VMP1: variants seen among roughly 807,000 people sequenced by gnomAD.
The protein encoded by VMP1 is vacuole membrane protein 1.
A neutral mutation model predicts 56.0 loss-of-function variants in VMP1; 11 were observed. That is an observed-to-expected ratio of 0.20 (90% CI 0.12 to 0.32). The LOEUF is 0.32. Among genes scored for constraint, VMP1 ranks in the 10% least tolerant of loss-of-function variants. VMP1 has a pLI of 1.00. For synonymous variants in VMP1, 149 were observed against 165.0 expected, an observed-to-expected ratio of 0.90 and a Z score of 0.74; for missense variants, 296 against 490.3, an observed-to-expected ratio of 0.60 and a Z score of 3.74.
At chr17:59,710,463 A>G (rs2033873409) in intron 1 of VMP1, among the ~76,000 whole-genome samples, 1 of 152,182 alleles carries the variant, frequency 6.6e-6, no homozygotes, top group Non-Finnish European at 1.5e-5. Flanking sequence ...GTTCACATGA[A>G]AATAATTACT....
intron 8 of VMP1, among the ~76,000 whole-genome samples, chr17:59,810,815 G>A (rs1024420389): frequency 2.0e-5 from 3 of 152,128 alleles, no homozygotes; most frequent in Non-Finnish European, 4.4e-5. Context: ...AAATTAATTG[G>A]CTTATTAATG....
chr17:59,711,166 A>G (rs1370329705), intron 1 of VMP1, among the ~76,000 whole-genome samples: 1 of 151,516 alleles, frequency 6.6e-6, no homozygotes, highest in Non-Finnish European at 1.5e-5. Context: ...GCTGTTTGTA[A>G]TTTTAATATT....
intron 8 of VMP1, 116 bp downstream of exon 8, chr17:59,808,992 G>A (rs1016283159): frequency 5.1e-6 from 4 of 790,634 alleles, no homozygotes; most frequent in East Asian, 3.0e-5. Flanking sequence ...GTAATTTTGT[G>A]AATCATTCAC....
intron 11 of VMP1, chr17:59,839,493 A>T (rs2039089368): frequency 2.8e-6 from 1 of 357,120 alleles, no homozygotes; most frequent in South Asian, 5.7e-5. Context: ...CAAAGAGTTT[A>T]TTCTTAGGTC....
rs374067667 is a variant in VMP1 at position 59,808,765 on chromosome 17, C to T, written c.715-31C>T. On this transcript the variant is annotated intron_variant, in intron 7 of 11. Transcript: ENST00000262291. ...CATCTTTCCTTCTTTTCCTACTTCT[C>T]ATTAATGTTTCTAAATTTGCCTTTT... is the stretch of plus-strand genomic sequence containing the variant. 5.2e-5 allele frequency: 81 copies of T among 1,568,432 alleles called. No individual in the cohort carries two copies. The African/African-American group carries it at 9.8e-4, about 19-fold the overall frequency.
chr17:59,745,456 G>T (rs1014900292), intron 5 of VMP1, among the ~76,000 whole-genome samples: 3 of 152,176 alleles, frequency 2.0e-5, no homozygotes, highest in African/African-American at 7.2e-5. Context: ...GCAAAGCAGA[G>T]TCAAAGGTTT....
intron 1 of VMP1, among the ~76,000 whole-genome samples, chr17:59,722,580 C>T (rs9911456): frequency 0.014 from 2,191 of 152,270 alleles, 45 homozygotes; most frequent in African/African-American, 0.049. Context: ...GTGGCTTATG[C>T]CCATAACCCC....
chr17:59,715,867 A>C (rs1598279540), intron 1 of VMP1, among the ~76,000 whole-genome samples: 1 of 152,282 alleles, frequency 6.6e-6, no homozygotes, highest in East Asian at 1.9e-4. Context: ...TTATCCTGTG[A>C]CCTTGCTAAA....
intron 7 of VMP1, among the ~76,000 whole-genome samples, chr17:59,804,602 G>A (rs2037785344): frequency 8.2e-6 from 1 of 122,486 alleles, no homozygotes; most frequent in Non-Finnish European, 1.6e-5. Flanking sequence ...CTGGGCGACA[G>A]TGAGACTCCA....
Position 59,838,324 on chromosome 17 carries a change from A to G in VMP1, c.1004A>G (p.Gln335Arg). Residue 335 changes from glutamine to arginine, a missense_variant, in exon 11 of 12, where the codon CAG becomes CGG. Gln to Arg is a conservative substitution (Grantham distance 43). Coordinates refer to ENST00000262291, the MANE Select transcript of VMP1 (RefSeq NM_030938.5). The part of the protein sequence containing the change: ...GAVPGIGPSL[Q>R]KPFQEYLEAQ... Reference sequence around the variant, plus strand: ...GTCCCCGGCATAGGTCCATCTCTGCAGAAGCCATTTCAGGAGTACCTGGAG... The same window carrying G: ...GTCCCCGGCATAGGTCCATCTCTGCGGAAGCCATTTCAGGAGTACCTGGAG... 1.2e-6 allele frequency: 2 copies of G among 1,614,100 alleles called. No individual in the cohort carries two copies. The highest frequency in any genetic ancestry group is 8.5e-7 in the Non-Finnish European group (1 of 1,180,018).
intron 7 of VMP1, among the ~76,000 whole-genome samples, chr17:59,804,596 G>A (rs547905451): frequency 2.0e-4 from 28 of 140,024 alleles, no homozygotes; most frequent in Admixed American, 1.3e-3. Context: ...TGCAGCCTGG[G>A]CGACAGTGAG....
At chr17:59,712,908 A>G (rs906078761) in intron 1 of VMP1, among the ~76,000 whole-genome samples, 3 of 152,180 alleles carry the variant, frequency 2.0e-5, no homozygotes, top group Admixed American at 6.5e-5. Context: ...TTGAGAGTCC[A>G]CTGCATAGTC....
chr17:59,783,012 G>A (rs1014862572), intron 7 of VMP1, among the ~76,000 whole-genome samples: 2 of 152,124 alleles, frequency 1.3e-5, no homozygotes, highest in Admixed American at 6.5e-5. Flanking sequence ...TGGCTGACAT[G>A]GTGAAACCCC....
intron 3 of VMP1, 183 bp downstream of exon 3, chr17:59,735,656 C>T: frequency 1.6e-6 from 1 of 633,458 alleles, no homozygotes; most frequent in Admixed American, 3.1e-5. Flanking sequence ...TAGGGAAAGA[C>T]ATTGCTATTT....
intron 5 of VMP1, among the ~76,000 whole-genome samples, chr17:59,753,597 A>G (rs1210925997): frequency 2.6e-5 from 4 of 152,204 alleles, no homozygotes; most frequent in African/African-American, 7.2e-5. Context: ...TTACTCTCCT[A>G]TATAATGTGA....
At chr17:59,757,801 A>C (rs1337949681) in intron 5 of VMP1, among the ~76,000 whole-genome samples, 1 of 151,378 alleles carries the variant, frequency 6.6e-6, no homozygotes, top group African/African-American at 2.4e-5. Flanking sequence ...TGTTGATTTA[A>C]CTTCGTCTAG....
chr17:59,717,493 G>T (rs1425041548), intron 1 of VMP1, among the ~76,000 whole-genome samples: 3 of 151,134 alleles, frequency 2.0e-5, no homozygotes, highest in African/African-American at 4.9e-5. Context: ...AGCGATTCTT[G>T]TGCCTCAGCC....
At chr17:59,728,002 T>C (rs1168173897) in intron 1 of VMP1, among the ~76,000 whole-genome samples, 1 of 152,260 alleles carries the variant, frequency 6.6e-6, no homozygotes, top group Non-Finnish European at 1.5e-5. Context: ...TAAGGCTATC[T>C]ATACTAATAG....
chr17:59,760,134 AG>A (rs1233007965), intron 5 of VMP1, among the ~76,000 whole-genome samples: 2 of 145,860 alleles, frequency 1.4e-5, no homozygotes, highest in African/African-American at 2.6e-5. Context: ...AAAAAAAAAA[AG>A]AAAAAAAAAA....
Sources: gnomAD v4.1 joint callset for allele counts (sites outside exome capture counted in the v4.1 genomes callset) on GRCh38, gnomAD v4.1.1 for gene constraint, MANE v1.5 for transcripts, NCBI Gene and HGNC (gene_info 2026-07-23, HGNC 2026-07-21) for gene names.